The following LRP6 variants were observed in gnomAD, a reference collection of about 807,000 sequenced individuals.
LRP6 encodes LDL receptor related protein 6.
A neutral mutation model predicts 184.1 loss-of-function variants in LRP6; 43 were observed. The observed-to-expected ratio is 0.23, with a 90% confidence interval of 0.18 to 0.30. The LOEUF (loss-of-function observed/expected upper bound fraction) is 0.30. Among genes scored for constraint, LRP6 ranks in the 10% least tolerant of loss-of-function variants. The pLI is 1.00. For synonymous variants in LRP6, 719 were observed against 684.9 expected (o/e 1.05, Z -0.78); for missense variants, 1,571 against 2,005.3 (o/e 0.78, Z 4.14).
At chr12:12,125,778 A>G (rs1285369460) in intron 20 of LRP6, among the ~76,000 whole-genome samples, 1 of 152,196 alleles carries the variant, frequency 6.6e-6, no homozygotes, top group Non-Finnish European at 1.5e-5. Context: ...AGGGCATATT[A>G]AATACCAGAC....
Position 12,180,242 on chromosome 12 carries a change from T to TC in LRP6, c.1374-262_1374-261insG, listed in dbSNP as rs1015996133. Among the ~76,000 whole-genome samples, 10 of 146,182 alleles carry TC rather than the reference T, an allele frequency of 6.8e-5. No individual in the cohort carries two copies. The South Asian group carries it at 1.3e-3, about 19-fold the overall frequency. ...ATAATGAGATTACAGTTTTACTTCT[T>TC]TTTTTTTTTTTTTTTTTTAAATATT... On this transcript the variant is annotated intron_variant, in intron 6 of 22. Transcript: ENST00000261349.
intron 7 of LRP6, among the ~76,000 whole-genome samples, chr12:12,174,953 C>T (rs960105414): frequency 1.3e-5 from 2 of 152,224 alleles, no homozygotes; most frequent in South Asian, 4.1e-4. Context: ...GGGAAGCTTA[C>T]TCTAAGATTT....
chr12:12,146,327 G>T (rs1028946159), intron 15 of LRP6, among the ~76,000 whole-genome samples: 8 of 152,142 alleles, frequency 5.3e-5, no homozygotes, highest in Non-Finnish European at 1.2e-4. Context: ...AAGCACATGA[G>T]GGCATGTAAT....
intron 2 of LRP6, among the ~76,000 whole-genome samples, chr12:12,241,835 A>G (rs1302347673): frequency 6.6e-6 from 1 of 152,184 alleles, no homozygotes; most frequent in African/African-American, 2.4e-5. Flanking sequence ...TCTTCCAATA[A>G]TCTTTTTTAT....
At chr12:12,161,103 A>C (rs962744214) in intron 10 of LRP6, among the ~76,000 whole-genome samples, 1 of 152,232 alleles carries the variant, frequency 6.6e-6, no homozygotes, top group Non-Finnish European at 1.5e-5. Flanking sequence ...ATTAGTCCCA[A>C]CTATTAAATT....
At chr12:12,206,428 A>C (rs1864058460) in intron 2 of LRP6, among the ~76,000 whole-genome samples, 2 of 151,856 alleles carry the variant, frequency 1.3e-5, no homozygotes, top group Admixed American at 1.3e-4. Context: ...CTATAGTCCC[A>C]GCTACTCGGG....
intron 2 of LRP6, among the ~76,000 whole-genome samples, chr12:12,212,523 C>G (rs1864239578): frequency 6.6e-6 from 1 of 152,244 alleles, no homozygotes; most frequent in Non-Finnish European, 1.5e-5. Flanking sequence ...TCCCCACCGC[C>G]CCCCTGCCAA....
intron 1 of LRP6, among the ~76,000 whole-genome samples, chr12:12,245,625 T>C (rs1350597147): frequency 6.6e-6 from 1 of 152,206 alleles, no homozygotes; most frequent in Non-Finnish European, 1.5e-5. Context: ...GAAATAGTTC[T>C]TAGTAAAGCT....
chr12:12,121,017 C>A lies in LRP6; in HGVS notation c.*109G>T, dbSNP rs1949596770. 1.1e-6 allele frequency: 1 copy of A among 889,438 alleles called. No individual in the cohort carries two copies. Among genetic ancestry groups the A allele is most frequent in the Non-Finnish European group, 1.7e-6 (1 of 590,940 alleles). 55.1% of individuals were successfully genotyped at this position (889,438 alleles called of 1,614,324 possible). On this transcript the variant is annotated 3_prime_UTR_variant, in exon 23 of 23. Transcript: ENST00000261349. Reference sequence around the variant, plus strand: ...ACCCCATTTTATAATTTTAACTGTACATGGTCTGCCTCATCCTTCTCTAAT... The same window carrying A: ...ACCCCATTTTATAATTTTAACTGTAAATGGTCTGCCTCATCCTTCTCTAAT...
chr12:12,160,020 G>C, intron 10 of LRP6, 56 bp from the exon 11 acceptor site: 1 of 1,290,152 alleles, frequency 7.8e-7, no homozygotes, highest in South Asian at 1.3e-5. Flanking sequence ...CTGGGGGAAA[G>C]AGTCATATTC....
At chr12:12,121,570 A>G in intron 22 of LRP6, 150 bp from the exon 23 acceptor site, 1 of 715,324 alleles carries the variant, frequency 1.4e-6, no homozygotes, top group South Asian at 1.8e-5. Flanking sequence ...GCAATTTTCA[A>G]TGGCAGATTC....
intron 2 of LRP6, among the ~76,000 whole-genome samples, chr12:12,243,424 T>C (rs890735337): frequency 6.6e-6 from 1 of 152,228 alleles, no homozygotes; most frequent in African/African-American, 2.4e-5. Context: ...AGTATCACAG[T>C]ATCATTGTGT....
chr12:12,159,698 G>T, intron 11 of LRP6, 82 bp downstream of exon 11: 1 of 1,308,332 alleles, frequency 7.6e-7, no homozygotes, highest in Non-Finnish European at 1.1e-6. Flanking sequence ...TGTATTAAAA[G>T]TATCTAACCA....
chr12:12,146,724 T>C (rs1950012323), intron 15 of LRP6, among the ~76,000 whole-genome samples: 1 of 152,204 alleles, frequency 6.6e-6, no homozygotes, highest in African/African-American at 2.4e-5. Context: ...AAAACCATGC[T>C]TCAGAAAATT....
At chr12:12,208,981 T>C (rs1449708611) in intron 2 of LRP6, among the ~76,000 whole-genome samples, 5 of 152,196 alleles carry the variant, frequency 3.3e-5, no homozygotes. Flanking sequence ...TTTTCTCTAT[T>C]AATGCATAAA....
chr12:12,135,342 G>A (rs1239928888), intron 16 of LRP6, 42 bp from the exon 17 acceptor site: 1 of 1,449,730 alleles, frequency 6.9e-7, no homozygotes. Context: ...GAGGGGGAGT[G>A]GAGGGGGAGA....
chr12:12,143,787 A>G (rs1053868955), intron 15 of LRP6, among the ~76,000 whole-genome samples: 1 of 152,252 alleles, frequency 6.6e-6, no homozygotes, highest in Admixed American at 6.5e-5. Context: ...GGAAAAAACT[A>G]AAGTATCTTT....
intron 3 of LRP6, among the ~76,000 whole-genome samples, chr12:12,188,731 T>C (rs1008788472): frequency 6.6e-6 from 1 of 152,234 alleles, no homozygotes; most frequent in East Asian, 1.9e-4. Flanking sequence ...CAAAGAGAAC[T>C]GTCACAATAC....
At chr12:12,247,989 T>C (rs141680205) in intron 1 of LRP6, among the ~76,000 whole-genome samples, 103 of 152,322 alleles carry the variant, frequency 6.8e-4, no homozygotes, top group Admixed American at 1.9e-3. Flanking sequence ...CTGAATCCTT[T>C]ATCCTCAGAT....
Sources: allele counts gnomAD v4.1 joint callset (sites outside exome capture counted in the v4.1 genomes callset), GRCh38; gene constraint gnomAD v4.1.1; transcripts MANE v1.5; gene names NCBI Gene and HGNC (gene_info 2026-07-23, HGNC 2026-07-21).